Variants in KREMEN1 observed in about 807,000 individuals in gnomAD.
KREMEN1 encodes kremen protein 1.
Under a neutral mutation model 46.5 loss-of-function variants are expected in KREMEN1, and 30 were observed. The ratio of observed to expected loss-of-function variants is 0.65; its 90% CI spans 0.48 to 0.88. The LOEUF (loss-of-function observed/expected upper bound fraction) is 0.88. KREMEN1 is among the 40% of genes least tolerant of loss of function. The pLI is 0.00. For synonymous variants in KREMEN1, 214 were observed against 230.6 expected (o/e 0.93, Z 0.65); for missense variants, 533 against 596.9 (o/e 0.89, Z 1.11).
intron 9 of KREMEN1, among the ~76,000 whole-genome samples, chr22:29,163,464 G>A (rs563723864): frequency 6.6e-6 from 1 of 151,758 alleles, no homozygotes; most frequent in South Asian, 2.1e-4. Flanking sequence ...TGCAATATCC[G>A]CCTCCCGGGT....
Position 29,146,002 on chromosome 22 carries a change from C to G in KREMEN1, c.*3890C>G, listed in dbSNP as rs984687379. On this transcript the variant is annotated 3_prime_UTR_variant, in exon 9 of 9. Coordinates refer to ENST00000400335, the MANE Select transcript of KREMEN1 (RefSeq NM_001039570.3). ...ATCACCCAGCCCCGATGCATCCTGG[C>G]ACTGCACGCTTACTCTTCACAAGCA... The G allele has an allele frequency of 1.0e-6, 1 of 985,842 alleles. No homozygotes were observed. The highest frequency in any genetic ancestry group is 1.7e-5 in the African/African-American group (1 of 57,214). The allele number at this position is 985,842 out of a possible 1,614,324, so 61.1% of individuals were successfully genotyped here.
intron 5 of KREMEN1, chr22:29,133,932 T>C (rs1451825210): frequency 6.6e-6 from 1 of 152,212 alleles, no homozygotes; most frequent in Non-Finnish European, 1.5e-5. Context: ...GGGGATAATT[T>C]CTATTGACCT....
chr22:29,115,627 G>A (rs1261685407), intron 3 of KREMEN1, among the ~76,000 whole-genome samples: 43 of 152,220 alleles, frequency 2.8e-4, no homozygotes, highest in Admixed American at 2.8e-3. Flanking sequence ...AGTTAATCAG[G>A]TAGAGAGACA....
At chr22:29,148,095 A>C (rs910098902), downstream of KREMEN1, among the ~76,000 whole-genome samples, 1 of 152,112 alleles carries the variant, frequency 6.6e-6, no homozygotes, top group Non-Finnish European at 1.5e-5. Context: ...GAGAGGGGCC[A>C]CTCTTCGACA....
chr22:29,132,731 A>G (rs1455097940), intron 5 of KREMEN1, among the ~76,000 whole-genome samples: 3 of 152,190 alleles, frequency 2.0e-5, no homozygotes, highest in African/African-American at 4.8e-5. Flanking sequence ...TTGACTGTCA[A>G]TAGCTTCTTT....
intron 3 of KREMEN1, among the ~76,000 whole-genome samples, chr22:29,102,634 T>C (rs2037995006): frequency 6.6e-6 from 1 of 152,238 alleles, no homozygotes. Context: ...CATGTGGTCA[T>C]TGAAACCAGG....
intron 4 of KREMEN1, among the ~76,000 whole-genome samples, chr22:29,123,468 A>C (rs1569327499): frequency 6.6e-6 from 1 of 152,232 alleles, no homozygotes; most frequent in Non-Finnish European, 1.5e-5. Flanking sequence ...AAGAAGCCAA[A>C]GAAGATATAC....
chr22:29,126,759 T>C (rs1569328915), intron 5 of KREMEN1, among the ~76,000 whole-genome samples: 1 of 152,312 alleles, frequency 6.6e-6, no homozygotes, highest in East Asian at 1.9e-4. Context: ...GTGTTTGTAT[T>C]TGGGGTGGGA....
rs1407711600 is a variant in KREMEN1, at chr22:29,137,487, C to T, written c.777C>T (p.Pro259=). ...PGASHIHFSF[P]LFDIRDSADM... ...CCTCCCACATCCACTTCAGCTTCCC[C>T]CTATTTGACATCAGGGACTCGGCGG... Residue 259 remains proline (P), a synonymous_variant, in exon 6 of 9, where the codon CCC becomes CCT. Transcript: ENST00000400335. The T allele has an allele frequency of 1.9e-6, 3 of 1,609,468 alleles. No homozygotes were observed. The highest frequency in any genetic ancestry group is 1.1e-5 in the South Asian group (1 of 90,954).
rs1466331347 is a variant in KREMEN1, at chr22:29,094,254, C to T, written c.98-4C>T. ...TAGTTTGCTCTGTCTTTTTTTTCTT[C>T]TAGAGTGTTTCACAGCCAATGGTGC... On this transcript the variant is annotated splice_region_variant and splice_polypyrimidine_tract_variant and intron_variant, in intron 1 of 8. Coordinates refer to ENST00000400335, the MANE Select transcript of KREMEN1 (RefSeq NM_001039570.3). 4 of 1,594,584 alleles carry T rather than the reference C, an allele frequency of 2.5e-6. No homozygotes were observed. The highest frequency in any genetic ancestry group is 1.7e-4 in the Middle Eastern group (1 of 5,922).
intron 9 of KREMEN1, among the ~76,000 whole-genome samples, chr22:29,156,463 A>C (rs1010815052): frequency 6.6e-6 from 1 of 152,218 alleles, no homozygotes; most frequent in Non-Finnish European, 1.5e-5. Flanking sequence ...CTGATCTTCC[A>C]CCAGCCAGTC....
In KREMEN1 at chr22:29,124,782, C is replaced by T. The variant is rs145820344; in HGVS notation, c.478-481C>T. Among the ~76,000 whole-genome samples, 440 of 152,256 alleles carry T rather than the reference C, an allele frequency of 2.9e-3. 1 individual carries two copies. Among genetic ancestry groups the T allele is most frequent in the African/African-American group, 0.01 (426 of 41,530 alleles). On this transcript the variant is annotated intron_variant, in intron 4 of 8. Coordinates refer to ENST00000400335, the MANE Select transcript of KREMEN1 (RefSeq NM_001039570.3). ...TGCTGGGATTACAGACGTAAGCCAC[C>T]ATGCCCGGCTGTGGTTACACAAATC...
rs778605833 is a variant in KREMEN1, at chr22:29,145,393, C to T, written c.*3281C>T. On this transcript the variant is annotated 3_prime_UTR_variant, in exon 9 of 9. Transcript: ENST00000400335. The stretch of plus-strand genomic sequence containing the variant: ...TGAAAGCACCCTGGCCAAAGCCCCT[C>T]CTGAGGTGACAGAGCGTGGGAGGAG... 1.1e-5 allele frequency: 11 copies of T among 985,546 alleles called. No individual in the cohort carries two copies. The highest frequency in any genetic ancestry group is 1.2e-5 in the Non-Finnish European group (10 of 830,036). The allele number at this position is 985,546 out of a possible 1,614,324, so 61.1% of individuals were successfully genotyped here.
chr22:29,092,432 A>T (rs1244578916), intron 1 of KREMEN1, among the ~76,000 whole-genome samples: 2 of 152,160 alleles, frequency 1.3e-5, no homozygotes, highest in Non-Finnish European at 2.9e-5. Flanking sequence ...AACACTGTGT[A>T]AATATTAGAA....
chr22:29,145,530 T>C lies in KREMEN1; in HGVS notation c.*3418T>C, dbSNP rs1186220115. 3 of 985,426 alleles carry C rather than the reference T, an allele frequency of 3.0e-6. No individual in the cohort carries two copies. Among genetic ancestry groups the C allele is most frequent in the Admixed American group, 1.2e-4 (2 of 16,270 alleles). The allele number at this position is 985,426 out of a possible 1,614,324, so 61.0% of individuals were successfully genotyped here. On this transcript the variant is annotated 3_prime_UTR_variant, in exon 9 of 9. Transcript: ENST00000400335. ...CCCTCACCAGCCGATCTTGTCACTC[T>C]CCGTGGTGACAGTGTCTTGGCCAGC... is the stretch of plus-strand genomic sequence containing the variant.
chr22:29,116,267 A>T (rs1248539409), intron 3 of KREMEN1, among the ~76,000 whole-genome samples: 1 of 152,198 alleles, frequency 6.6e-6, no homozygotes, highest in Admixed American at 6.5e-5. Flanking sequence ...GCAGTGGTCT[A>T]AGTGAAAGGA....
intron 3 of KREMEN1, among the ~76,000 whole-genome samples, chr22:29,117,023 C>T (rs58525729): frequency 0.011 from 1,687 of 152,236 alleles, 32 homozygotes; most frequent in African/African-American, 0.038. Flanking sequence ...CCATGTGTGA[C>T]GCAAGGGAGA....
At chr22:29,159,129 T>C (rs7286541) in intron 9 of KREMEN1, among the ~76,000 whole-genome samples, 1 of 22,590 alleles carries the variant, frequency 4.4e-5, no homozygotes, top group East Asian at 7.9e-3. Context: ...CAAGTGTTTT[T>C]TTTTTTTTTT....
intron 2 of KREMEN1, among the ~76,000 whole-genome samples, chr22:29,098,072 C>T (rs2037910466): frequency 6.6e-6 from 1 of 151,728 alleles, no homozygotes; most frequent in African/African-American, 2.4e-5. Flanking sequence ...CCCAGCTACT[C>T]GGGAGGCTTG....
Sources: gnomAD v4.1 joint callset for allele counts (sites outside exome capture counted in the v4.1 genomes callset) on GRCh38, gnomAD v4.1.1 for gene constraint, MANE v1.5 for transcripts, NCBI Gene and HGNC (gene_info 2026-07-23, HGNC 2026-07-21) for gene names.